The following AP5Z1 variants were observed in gnomAD, a reference collection of about 807,000 sequenced individuals.
AP5Z1 encodes AP-5 complex subunit zeta-1.
AP5Z1 carries 106 observed loss-of-function variants against 83.0 expected under a neutral mutation model. That is an observed-to-expected ratio of 1.28 (90% CI 1.09 to 1.50). The LOEUF (loss-of-function observed/expected upper bound fraction) is 1.50, where lower values mean the gene tolerates loss of function less well. AP5Z1 is among the 40% of genes most tolerant of loss of function. AP5Z1 has a pLI of 0.00. For missense variants in AP5Z1, 1,565 were observed against 1,094.2 expected (o/e 1.43, Z -6.07); for synonymous variants, 751 against 514.1 (o/e 1.46, Z -6.23).
At chr7:4,789,033 T>G in intron 13 of AP5Z1, 82 bp downstream of exon 13, 1 of 1,243,536 alleles carries the variant, frequency 8.0e-7, no homozygotes, top group Non-Finnish European at 1.1e-6. Flanking sequence ...GGGGGCCCTC[T>G]TGAGCTCTGC....
At chr7:4,786,969 G>A (rs144929610) in intron 10 of AP5Z1, among the ~76,000 whole-genome samples, 2,449 of 151,950 alleles carry the variant, frequency 0.016, 34 homozygotes, top group Middle Eastern at 0.051. Context: ...ATGGGGTTTC[G>A]ACATGTTGGC....
intron 12 of AP5Z1, chr7:4,788,633 C>A: frequency 1.9e-6 from 1 of 531,858 alleles, no homozygotes; most frequent in Non-Finnish European, 3.3e-6. Flanking sequence ...TCAGCCCACG[C>A]CAGCCTTTGT....
At position 4,792,264 on chromosome 7, in the gene AP5Z1, CCGCCCCGAGAGCCTCA is replaced by C. The variant is rs1781803606; in HGVS notation, c.*887_*902del. The C allele has an allele frequency of 1.3e-5, 2 of 152,298 alleles. No individual in the cohort carries two copies. The highest frequency in any genetic ancestry group is 6.5e-5 in the Admixed American group (1 of 15,284). The allele number at this position is 152,298 out of a possible 1,614,324, so 9.4% of individuals were successfully genotyped here. On this transcript the variant is annotated 3_prime_UTR_variant, in exon 17 of 17. Coordinates refer to ENST00000649063, the MANE Select transcript of AP5Z1 (RefSeq NM_014855.3). ...CGGGCTCAGCCGCCAGGGGGCGCCG[CCGCCCCGAGAGCCTCA>C]CGCCCCGCCCCCAGGCTCAAACTCT...
Position 4,791,068 on chromosome 7 carries a change from C to T in AP5Z1, c.2154-47C>T, listed in dbSNP as rs376422801. ...TGGCCCCTCCACACAGACCCCTGTC[C>T]TGGGAGGGGAGCATCTGCAGCTGAC... On this transcript the variant is annotated intron_variant, in intron 16 of 16. Transcript: ENST00000649063. The T allele has an allele frequency of 1.3e-4, 190 of 1,519,916 alleles. 1 individual carries two copies. Among genetic ancestry groups the T allele is most frequent in the Non-Finnish European group, 1.6e-4 (185 of 1,133,874 alleles). 94.2% of individuals were successfully genotyped at this position (1,519,916 alleles called of 1,614,324 possible).
chr7:4,789,344 G>T (rs981574353), intron 13 of AP5Z1, among the ~76,000 whole-genome samples: 3 of 152,168 alleles, frequency 2.0e-5, no homozygotes, highest in Non-Finnish European at 4.4e-5. Context: ...TGGCCACACA[G>T]CTGGGGCCGG....
chr7:4,789,091 C>G, intron 13 of AP5Z1, 140 bp downstream of exon 13: 1 of 712,214 alleles, frequency 1.4e-6, no homozygotes, highest in Non-Finnish European at 2.3e-6. Flanking sequence ...CTGTGAGGGT[C>G]AGGGAGGCAC....
In AP5Z1 at chr7:4,791,221, C is replaced by A; in HGVS notation, c.2260C>A (p.Leu754Met). The A allele has an allele frequency of 6.2e-7, 1 of 1,612,754 alleles. No homozygotes were observed. The highest frequency in any genetic ancestry group is 8.5e-7 in the Non-Finnish European group (1 of 1,179,832). The change falls in exon 17 of 17, where the codon CTG becomes ATG. Residue 754 changes from leucine (L) to methionine (M), a missense_variant. Coordinates refer to ENST00000649063, the MANE Select transcript of AP5Z1 (RefSeq NM_014855.3). ...AEAIRTRATE[L>M]LTLLKMPSVA... ...AGCCATCCGTACCCGGGCCACAGAG[C>A]TGCTGACCCTGCTGAAGATGCCTAG...
In AP5Z1 at chr7:4,791,472, G is replaced by A. The variant is rs1781770700; in HGVS notation, c.*87G>A. 2 of 1,476,342 alleles carry A rather than the reference G, an allele frequency of 1.4e-6. No homozygotes were observed. The highest frequency in any genetic ancestry group is 9.0e-7 in the Non-Finnish European group (1 of 1,106,154). The allele number at this position is 1,476,342 out of a possible 1,614,324, so 91.5% of individuals were successfully genotyped here. A position where few individuals can be genotyped will look rare whatever the true frequency, so the allele number is the denominator to read the frequency against. On this transcript the variant is annotated 3_prime_UTR_variant, in exon 17 of 17. Transcript: ENST00000649063. ...GGCCAGGCTGATAGGAGCTCAGGAG[G>A]GCGCGGGAGTCCTGGGAGAGGAGGC... is the stretch of plus-strand genomic sequence containing the variant.
rs1385649900 is a variant in AP5Z1, at chr7:4,793,328, CATT to C, written c.*1946_*1948del. On this transcript the variant is annotated 3_prime_UTR_variant, in exon 17 of 17. Coordinates refer to ENST00000649063, the MANE Select transcript of AP5Z1 (RefSeq NM_014855.3). ...CAGAAAAGATGATAAACCTTAGAAA[CATT>C]ATATGCTAAGTGAAAGTGAGAAGTG... The C allele has an allele frequency of 6.6e-6, 1 of 152,252 alleles. No homozygotes were observed. Among genetic ancestry groups the C allele is most frequent in the Non-Finnish European group, 1.5e-5 (1 of 68,052 alleles). The allele number at this position is 152,252 out of a possible 1,614,324, so 9.4% of individuals were successfully genotyped here.
rs1007842436 is a variant in AP5Z1 at position 4,781,185 on chromosome 7, G to A, written c.52G>A (p.Asp18Asn). 5.6e-6 allele frequency: 9 copies of A among 1,613,798 alleles called. 1 individual carries two copies. The highest frequency in any genetic ancestry group is 7.6e-6 in the Non-Finnish European group (9 of 1,179,690). Reference sequence around the variant, plus strand: ...CTCTTCTTTGTTTAGGGAGATCCAGGACGAGGAGCTGAAGAAGTTCTGTTC... The same window carrying A: ...CTCTTCTTTGTTTAGGGAGATCCAGAACGAGGAGCTGAAGAAGTTCTGTTC... ...SLLHQAREIQDEELKKFCSRI... is the reference protein window; with the variant it reads ...SLLHQAREIQNEELKKFCSRI... Residue 18 changes from aspartate to asparagine, a missense_variant, in exon 2 of 17, where the codon GAC becomes AAC. Coordinates refer to ENST00000649063, the MANE Select transcript of AP5Z1 (RefSeq NM_014855.3).
At chr7:4,783,631 C>T in intron 4 of AP5Z1, 58 bp from the exon 5 acceptor site, 2 of 1,515,992 alleles carry the variant, frequency 1.3e-6, no homozygotes, top group Non-Finnish European at 1.8e-6. Flanking sequence ...AGCATCCCAA[C>T]AACCCAGGCA....
At position 4,791,556 on chromosome 7, in the gene AP5Z1, C is replaced by A. The variant is rs934111539; in HGVS notation, c.*171C>A. The A allele has an allele frequency of 2.0e-6, 2 of 996,100 alleles. No individual in the cohort carries two copies. The highest frequency in any genetic ancestry group is 5.8e-5 in the Admixed American group (2 of 34,442). The allele number at this position is 996,100 out of a possible 1,614,324, so 61.7% of individuals were successfully genotyped here. A position where few individuals can be genotyped will look rare whatever the true frequency, so the allele number is the denominator to read the frequency against. On this transcript the variant is annotated 3_prime_UTR_variant, in exon 17 of 17. Transcript: ENST00000649063. ...ACGCGGGGCTGGCCCCCCTGCTCAC[C>A]CTCTGGGCTTTGTCTCCGAGCCTTT...
At chr7:4,791,074 G>A (rs769223319) in intron 16 of AP5Z1, 41 bp from the exon 17 acceptor site, 4 of 1,527,852 alleles carry the variant, frequency 2.6e-6, no homozygotes, top group Non-Finnish European at 3.5e-6. Flanking sequence ...TGTCCTGGGA[G>A]GGGAGCATCT....
intron 3 of AP5Z1, among the ~76,000 whole-genome samples, chr7:4,782,121 A>G (rs113597712): frequency 9.2e-5 from 14 of 152,184 alleles, no homozygotes; most frequent in African/African-American, 2.9e-4. Flanking sequence ...GGAGTGATCA[A>G]TGCTCACTGC....
rs752733585 is a variant in AP5Z1 at position 4,789,814 on chromosome 7, C to A, written c.1708-18C>A. 10 of 1,548,822 alleles carry A rather than the reference C, an allele frequency of 6.5e-6. No individual in the cohort carries two copies. The highest frequency in any genetic ancestry group is 2.0e-5 in the Admixed American group (1 of 51,056). On this transcript the variant is annotated intron_variant, in intron 13 of 16. Transcript: ENST00000649063. ...AGTGGGGGTGGGGCTGAGCCTGTTT[C>A]CCACTCCTGACCCCCAGGTGGCTGA...
chr7:4,790,851 C>A lies in AP5Z1; in HGVS notation c.2117C>A (p.Thr706Lys). 1 of 1,608,020 alleles carries A rather than the reference C, an allele frequency of 6.2e-7. No individual in the cohort carries two copies. The highest frequency in any genetic ancestry group is 1.1e-5 in the South Asian group (1 of 89,792). ...GTCACCGTGCTGATGACCACGCTGA[C>A]GAAGCTGGCCTCCCGGAGCCAAGAT... ...QVVTVLMTTL[T>K]KLASRSQDLI... Residue 706 changes from threonine (T) to lysine (K), a missense_variant, in exon 16 of 17, where the codon ACG becomes AAG. Transcript: ENST00000649063.
intron 3 of AP5Z1, among the ~76,000 whole-genome samples, chr7:4,783,109 C>G (rs950590019): frequency 4.6e-5 from 7 of 152,204 alleles, no homozygotes; most frequent in Non-Finnish European, 1.0e-4. Context: ...CCAGCCTCAG[C>G]GATGCAGCTC....
At chr7:4,781,439 A>C in intron 2 of AP5Z1, 127 bp downstream of exon 2, 1 of 1,543,962 alleles carries the variant, frequency 6.5e-7, no homozygotes, top group Non-Finnish European at 8.8e-7. Flanking sequence ...ACCAGTGCTG[A>C]AGGTCCATCC....
At chr7:4,787,101 G>T (rs1781571943) in intron 10 of AP5Z1, among the ~76,000 whole-genome samples, 1 of 152,006 alleles carries the variant, frequency 6.6e-6, no homozygotes, top group Non-Finnish European at 1.5e-5. Flanking sequence ...AGTGTCTTTT[G>T]CAGCCTCGCC....
Sources: gnomAD v4.1 joint callset for allele counts (sites outside exome capture counted in the v4.1 genomes callset) on GRCh38, gnomAD v4.1.1 for gene constraint, MANE v1.5 for transcripts, NCBI Gene and HGNC (gene_info 2026-07-23, HGNC 2026-07-21) for gene names.